Variants in UBAP2 observed in about 807,000 individuals in gnomAD.
UBAP2 encodes ubiquitin-associated protein 2.
In UBAP2, 75 loss-of-function variants were observed where a neutral mutation model predicts 139.6. That is an observed-to-expected ratio of 0.54 (90% CI 0.45 to 0.65). The LOEUF (loss-of-function observed/expected upper bound fraction) is 0.65. Ranked by LOEUF, UBAP2 falls within the 30% of genes least tolerant of loss-of-function variation. UBAP2 has a pLI of 0.00. For missense variants in UBAP2, 1,368 were observed against 1,369.6 expected (o/e 1.00, Z 0.02); for synonymous variants, 526 against 526.2 (o/e 1.00, Z 0.01).
intron 2 of UBAP2, among the ~76,000 whole-genome samples, chr9:34,005,087 ACC>A (rs1823074403): frequency 6.6e-6 from 1 of 151,808 alleles, no homozygotes; most frequent in Non-Finnish European, 1.5e-5. Context: ...ACATGGTGAA[ACC>A]CCGTCTACAC....
chr9:33,954,269 T>TACACACACACACACACACACACAC lies in UBAP2; in HGVS notation c.867-819_867-796dup, dbSNP rs60078088. On this transcript the variant is annotated intron_variant, in intron 11 of 28. Transcript: ENST00000379238. ...CATAATACATTTAAGTGTGTGTATA[T>TACACACACACACACACACACACAC]ACACACACACACACACACACACACA... Among the ~76,000 whole-genome samples, 483 of 139,870 alleles carry TACACACACACACACACACACACAC rather than the reference T, an allele frequency of 3.5e-3. 1 individual carries two copies. Among genetic ancestry groups the TACACACACACACACACACACACAC allele is most frequent in the Non-Finnish European group, 5.2e-3 (341 of 65,764 alleles). The allele number at this position is 139,870 out of a possible 152,430, so 91.8% of individuals were successfully genotyped here. A position where few individuals can be genotyped will look rare whatever the true frequency, so the allele number is the denominator to read the frequency against.
At chr9:33,956,036 T>A (rs201311859) in intron 11 of UBAP2, 43 bp downstream of exon 11, 249 of 1,475,826 alleles carry the variant, frequency 1.7e-4, no homozygotes, top group Non-Finnish European at 2.0e-4. Context: ...AAGATTTCTG[T>A]AATGCTTTGA....
At chr9:33,969,564 AG>A (rs200986225) in intron 8 of UBAP2, among the ~76,000 whole-genome samples, 19 of 94,218 alleles carry the variant, frequency 2.0e-4, no homozygotes, top group South Asian at 5.2e-4. Flanking sequence ...AAAAAAAAAA[AG>A]AAAGAAAGAA....
chr9:33,974,890 C>T (rs1179859833), intron 6 of UBAP2, among the ~76,000 whole-genome samples: 3 of 120,048 alleles, frequency 2.5e-5, no homozygotes, highest in Non-Finnish European at 4.8e-5. Context: ...CAGTTCCTAA[C>T]TTGCGTCACT....
chr9:33,924,454 A>G (rs1269152998), intron 22 of UBAP2, among the ~76,000 whole-genome samples, 170 bp from the exon 23 acceptor site: 3 of 152,152 alleles, frequency 2.0e-5, no homozygotes, highest in South Asian at 2.1e-4. Flanking sequence ...AGAGTGTGCA[A>G]CTAGGCGGCC....
intron 6 of UBAP2, among the ~76,000 whole-genome samples, chr9:33,982,928 G>A (rs1231803798): frequency 4.7e-5 from 7 of 149,040 alleles, no homozygotes; most frequent in South Asian, 4.2e-4. Context: ...CACCCAGGCC[G>A]GAGTGCCATG....
At position 33,973,167 on chromosome 9, in the gene UBAP2, G is replaced by A; in HGVS notation, c.575+16C>T. 6.2e-7 allele frequency: 1 copy of A among 1,611,810 alleles called. No homozygotes were observed. The highest frequency in any genetic ancestry group is 8.5e-7 in the Non-Finnish European group (1 of 1,178,568). The stretch of plus-strand genomic sequence containing the variant: ...GGGAAGTAAATAATTATAAAAATAG[G>A]ATGGCTATCACTTACCCCATGCCTT... On this transcript the variant is annotated intron_variant, in intron 7 of 28. Transcript: ENST00000379238.
intron 1 of UBAP2, among the ~76,000 whole-genome samples, chr9:34,018,079 T>A (rs762232450): frequency 6.6e-5 from 10 of 152,082 alleles, no homozygotes; most frequent in Non-Finnish European, 1.3e-4. Flanking sequence ...TCCCAGCTAT[T>A]TTGAGGCTAA....
intron 5 of UBAP2, among the ~76,000 whole-genome samples, chr9:33,987,082 A>G (rs987608421): frequency 2.0e-5 from 3 of 152,068 alleles, no homozygotes; most frequent in Non-Finnish European, 4.4e-5. Context: ...TCTTGAGCCC[A>G]AGAGCTTGAG....
intron 1 of UBAP2, among the ~76,000 whole-genome samples, chr9:34,028,134 C>T (rs1441435781): frequency 6.6e-6 from 1 of 151,958 alleles, no homozygotes; most frequent in Non-Finnish European, 1.5e-5. Context: ...TACACCCACA[C>T]TTCGCTGACA....
chr9:33,965,862 C>T (rs1827406161), intron 8 of UBAP2, among the ~76,000 whole-genome samples: 1 of 151,586 alleles, frequency 6.6e-6, no homozygotes, highest in African/African-American at 2.4e-5. Context: ...TCCTGGCTAA[C>T]ACAGTGAAGC....
intron 10 of UBAP2, among the ~76,000 whole-genome samples, chr9:33,958,873 G>A (rs1223711862): frequency 2.0e-5 from 3 of 151,936 alleles, no homozygotes; most frequent in Non-Finnish European, 4.4e-5. Flanking sequence ...AAAAGGCCGG[G>A]CGCAGTGGCT....
At chr9:34,025,471 G>A (rs905570132) in intron 1 of UBAP2, among the ~76,000 whole-genome samples, 5 of 152,124 alleles carry the variant, frequency 3.3e-5, no homozygotes, top group East Asian at 1.9e-4. Context: ...TTTGAAACCC[G>A]TATTTATCTC....
intron 4 of UBAP2, among the ~76,000 whole-genome samples, chr9:33,990,347 G>A (rs1170886630): frequency 6.6e-6 from 1 of 152,126 alleles, no homozygotes; most frequent in Non-Finnish European, 1.5e-5. Context: ...TAAAATTTGG[G>A]TGATAAGTTG....
At position 33,927,808 on chromosome 9, in the gene UBAP2, A is replaced by C; in HGVS notation, c.2360T>G (p.Leu787Trp). Reference sequence around the variant, plus strand: ...TCTGGAGCAAATACCTGAGGTCACCAAGGGCGCGGCCCTGCTACTGCTGCT... The same window carrying C: ...TCTGGAGCAAATACCTGAGGTCACCCAGGGCGCGGCCCTGCTACTGCTGCT... ...ASSSSSRAAP[L>W]VTSGKAPPNL... Residue 787 changes from leucine to tryptophan, a missense_variant, in exon 20 of 29, where the codon TTG (leucine) becomes TGG (tryptophan). Leu to Trp is a moderately conservative substitution (Grantham distance 61). Transcript: ENST00000379238. 1 of 1,611,634 alleles carries C rather than the reference A, an allele frequency of 6.2e-7. No individual in the cohort carries two copies. The highest frequency in any genetic ancestry group is 8.5e-7 in the Non-Finnish European group (1 of 1,179,012).
chr9:34,032,893 G>T (rs1056050627), intron 1 of UBAP2, among the ~76,000 whole-genome samples: 1 of 143,426 alleles, frequency 7.0e-6, no homozygotes, highest in African/African-American at 2.6e-5. Context: ...TCTGGCCTGG[G>T]CAACAGAGCA....
intron 16 of UBAP2, among the ~76,000 whole-genome samples, chr9:33,939,568 G>C: frequency 6.7e-6 from 1 of 149,028 alleles, no homozygotes; most frequent in East Asian, 2.0e-4. Context: ...GACTAGCCTG[G>C]GTAACATGAT....
chr9:33,950,210 C>T (rs1445224426), intron 12 of UBAP2, among the ~76,000 whole-genome samples: 2 of 152,048 alleles, frequency 1.3e-5, no homozygotes, highest in Non-Finnish European at 2.9e-5. Flanking sequence ...GGACTACAGG[C>T]GCCCACCACC....
At position 33,989,059 on chromosome 9, in the gene UBAP2, T is replaced by A; in HGVS notation, c.356A>T (p.Asn119Ile). 1.2e-6 allele frequency: 2 copies of A among 1,614,136 alleles called. No homozygotes were observed. The highest frequency in any genetic ancestry group is 1.7e-6 in the Non-Finnish European group (2 of 1,180,018). The change falls in exon 5 of 29, where the codon AAT becomes ATT. Residue 119 changes from asparagine to isoleucine, a missense_variant. By Grantham distance (149) the Asn-to-Ile change is moderately radical (BLOSUM62 -3). Transcript: ENST00000379238. ...FAKENSENKE[N>I]REKKSEKESS... ...TTCTTTCTCGCTTTTCTTCTCTCTA[T>A]TCTCTTTGTTTTCTGAATTTTCTTT...
Sources: allele counts gnomAD v4.1 joint callset (sites outside exome capture counted in the v4.1 genomes callset), GRCh38; gene constraint gnomAD v4.1.1; transcripts MANE v1.5; gene names NCBI Gene and HGNC (gene_info 2026-07-23, HGNC 2026-07-21).